The following ZNF568 variants were observed in gnomAD, a reference collection of about 807,000 sequenced individuals.
ZNF568 encodes zinc finger protein 568.
In ZNF568, 11 loss-of-function variants were observed where a neutral mutation model predicts 18.1. The ratio of observed to expected loss-of-function variants is 0.61; its 90% CI spans 0.38 to 1.00. The LOEUF (loss-of-function observed/expected upper bound fraction) is 1.00, where lower values mean the gene tolerates loss of function less well. Ranked by LOEUF, ZNF568 falls within the 50% of genes least tolerant of loss-of-function variation. ZNF568 has a pLI of 0.01. For synonymous variants in ZNF568, 213 were observed against 246.6 expected, an observed-to-expected ratio of 0.86 and a Z score of 1.28; for missense variants, 639 against 768.2, an observed-to-expected ratio of 0.83 and a Z score of 1.99.
chr19:36,948,951 T>A (rs2146309355), intron 6 of ZNF568, among the ~76,000 whole-genome samples: 2 of 152,300 alleles, frequency 1.3e-5, no homozygotes, highest in Middle Eastern at 3.4e-3. Context: ...GTCATTTGCA[T>A]CTTCATGATA....
chr19:36,940,620 G>A (rs140578123), intron 6 of ZNF568, among the ~76,000 whole-genome samples: 49 of 152,322 alleles, frequency 3.2e-4, no homozygotes, highest in Non-Finnish European at 6.5e-4. Flanking sequence ...TCAGGCTAGA[G>A]TTAGAAAGAC....
intron 2 of ZNF568, among the ~76,000 whole-genome samples, chr19:36,918,156 C>T (rs916744347): frequency 2.6e-5 from 4 of 152,130 alleles, no homozygotes; most frequent in African/African-American, 7.2e-5. Flanking sequence ...CCATGTTAGC[C>T]ACCATGGTAG....
chr19:36,957,780 T>A (rs867879053), intron 6 of ZNF568, among the ~76,000 whole-genome samples: 1 of 152,210 alleles, frequency 6.6e-6, no homozygotes, highest in East Asian at 1.9e-4. Context: ...TCAAAGGCCA[T>A]GAAAGTACTG....
chr19:36,960,369 C>T (rs951619048), intron 6 of ZNF568, among the ~76,000 whole-genome samples: 14 of 151,992 alleles, frequency 9.2e-5, no homozygotes, highest in South Asian at 2.1e-4. Context: ...CCACCCGCCT[C>T]GGCCTCCCAA....
At chr19:36,945,210 AGTGT>A (rs10616521) in intron 6 of ZNF568, among the ~76,000 whole-genome samples, 14,319 of 141,808 alleles carry the variant, frequency 0.1, 737 homozygotes, top group Middle Eastern at 0.13. Flanking sequence ...CAGAGAGAGA[AGTGT>A]GTGTGTGTGT....
At position 36,933,929 on chromosome 19, in the gene ZNF568, T is replaced by G. The variant is rs1427400929; in HGVS notation, c.136-2817T>G. Among the ~76,000 whole-genome samples, 5 of 110,888 alleles carry G rather than the reference T, an allele frequency of 4.5e-5. 1 individual carries two copies. Among genetic ancestry groups the G allele is most frequent in the Admixed American group, 1.9e-4 (2 of 10,590 alleles). 72.7% of individuals were successfully genotyped at this position (110,888 alleles called of 152,430 possible). A position where few individuals can be genotyped will look rare whatever the true frequency, so the allele number is the denominator to read the frequency against. On this transcript the variant is annotated intron_variant, in intron 4 of 6. Transcript: ENST00000333987. ...TTTTTTTGTTTTGTTTTTTTGTTTT[T>G]TTTTTTTTTTTTTAGTAATTCAGTC...
At chr19:36,934,912 T>G (rs2073762890) in intron 4 of ZNF568, among the ~76,000 whole-genome samples, 1 of 152,140 alleles carries the variant, frequency 6.6e-6, no homozygotes, top group South Asian at 2.1e-4. Flanking sequence ...GAACATACTT[T>G]ACACAATTCT....
downstream of ZNF568, chr19:36,997,666 G>T: frequency 8.7e-7 from 1 of 1,147,148 alleles, no homozygotes; most frequent in Non-Finnish European, 1.3e-6. Flanking sequence ...CTTCATTCGG[G>T]CCTCACACCT....
In ZNF568 at chr19:36,944,235, C is replaced by A. The variant is rs369346369; in HGVS notation, c.359-5277C>A. The stretch of plus-strand genomic sequence containing the variant: ...CCAACATGGAGAAACCCCGTCTCTA[C>A]TAAAAATACAAAATTAGTTGGGCGT... On this transcript the variant is annotated intron_variant, in intron 6 of 6. Transcript: ENST00000333987. 9.9e-5 allele frequency among the ~76,000 whole-genome samples: 15 copies of A among 151,906 alleles called. No individual in the cohort carries two copies. The East Asian group carries it at 1.9e-3, about 20-fold the overall frequency.
At chr19:36,991,464 T>C (rs2305267) in intron 3 of ZNF568, 11 of 1,005,322 alleles carry the variant, frequency 1.1e-5, no homozygotes, top group Non-Finnish European at 1.2e-5. Context: ...TCTTGTGAAG[T>C]TGGAAATTGG....
At chr19:36,953,719 C>G (rs1325870804), downstream of ZNF568, among the ~76,000 whole-genome samples, 1 of 151,942 alleles carries the variant, frequency 6.6e-6, no homozygotes, top group African/African-American at 2.4e-5. Context: ...CAAGACCAGT[C>G]TGGTCAACAG....
At chr19:36,969,378 T>A (rs2074219171) in intron 6 of ZNF568, among the ~76,000 whole-genome samples, 2 of 152,070 alleles carry the variant, frequency 1.3e-5, no homozygotes. Context: ...ATATCCTAAT[T>A]GAAAGAGAGC....
chr19:36,973,100 C>G (rs1271659744), intron 6 of ZNF568: 1 of 152,440 alleles, frequency 6.6e-6, no homozygotes. Flanking sequence ...CGCCAGTGAC[C>G]GTGGTGCGGT....
Position 36,952,038 on chromosome 19 carries a change from C to CTTTTTT in ZNF568, c.*962_*967dup, listed in dbSNP as rs138419937. ...TGTCTATGACGTTGAGGCCAAGGAGCTTTTTTTTTTTTTTTTTCAAGACAA... is the reference window on the plus strand; with the variant it reads ...TGTCTATGACGTTGAGGCCAAGGAGCTTTTTTTTTTTTTTTTTTTTTTTCAAGACAA... On this transcript the variant is annotated 3_prime_UTR_variant, in exon 7 of 7. Transcript: ENST00000333987. 1,465 of 878,418 alleles carry CTTTTTT rather than the reference C, an allele frequency of 1.7e-3. 4 individuals are homozygous for CTTTTTT. The highest frequency in any genetic ancestry group is 3.0e-3 in the East Asian group (22 of 7,262). The allele number at this position is 878,418 out of a possible 1,614,324, so 54.4% of individuals were successfully genotyped here. A position where few individuals can be genotyped will look rare whatever the true frequency, so the allele number is the denominator to read the frequency against.
chr19:36,917,840 CA>C (rs2073372670), intron 2 of ZNF568, among the ~76,000 whole-genome samples, 192 bp downstream of exon 2: 1 of 152,170 alleles, frequency 6.6e-6, no homozygotes, highest in Non-Finnish European at 1.5e-5. Context: ...GCATGCTTAA[CA>C]AAACTCAACC....
intron 6 of ZNF568, among the ~76,000 whole-genome samples, chr19:36,943,459 T>C (rs2073915901): frequency 6.6e-6 from 1 of 152,164 alleles, no homozygotes; most frequent in African/African-American, 2.4e-5. Context: ...CAAAAGCTTT[T>C]AGAATAATGA....
chr19:36,978,257 G>C (rs2074301502), intron 7 of ZNF568, among the ~76,000 whole-genome samples: 1 of 152,184 alleles, frequency 6.6e-6, no homozygotes, highest in South Asian at 2.1e-4. Flanking sequence ...GCCTAATGTT[G>C]GAGTAAAGTG....
downstream of ZNF568, among the ~76,000 whole-genome samples, chr19:36,984,127 C>T (rs191537533): frequency 6.2e-3 from 941 of 152,136 alleles, 28 homozygotes; most frequent in East Asian, 0.049. Context: ...TCTCGATCTC[C>T]TGACCTCATG....
chr19:36,982,662 C>T (rs1024093466), downstream of ZNF568, among the ~76,000 whole-genome samples: 3 of 151,966 alleles, frequency 2.0e-5, no homozygotes, highest in South Asian at 4.2e-4. Context: ...GCCAGGATCG[C>T]GCCATTGCAC....
Sources: gnomAD v4.1 joint callset for allele counts (sites outside exome capture counted in the v4.1 genomes callset) on GRCh38, gnomAD v4.1.1 for gene constraint, MANE v1.5 for transcripts, NCBI Gene and HGNC (gene_info 2026-07-23, HGNC 2026-07-21) for gene names.